Variants in ARTN observed in about 807,000 individuals in gnomAD.
ARTN encodes neublastin.
Under a neutral mutation model 15.4 loss-of-function variants are expected in ARTN, and 9 were observed. The ratio of observed to expected loss-of-function variants is 0.58; its 90% CI spans 0.35 to 1.02. The LOEUF (loss-of-function observed/expected upper bound fraction) is 1.02, where lower values mean the gene tolerates loss of function less well. Ranked by LOEUF, ARTN falls within the 50% of genes least tolerant of loss-of-function variation. ARTN has a pLI of 0.02. For missense variants in ARTN, 284 were observed against 327.9 expected, an observed-to-expected ratio of 0.87 and a Z score of 1.03; for synonymous variants, 163 against 155.8, an observed-to-expected ratio of 1.05 and a Z score of -0.35.
rs770059461 is a variant in ARTN at position 43,936,674 on chromosome 1, C to A, written c.572C>A (p.Thr191Lys). ...RPVSQPCCRP[T>K]RYEAVSFMDV... is the part of the protein sequence containing the mutation. ...GTCAGCCAGCCCTGCTGCCGACCCA[C>A]GCGCTACGAAGCGGTCTCCTTCATG... The change falls in exon 5 of 5, where the codon ACG (threonine) becomes AAG (lysine). Residue 191 changes from threonine (T) to lysine (K), a missense_variant. By Grantham distance (78) the Thr-to-Lys change is moderately conservative (BLOSUM62 -1). Transcript: ENST00000372359. The surrounding 1 kb of genome is among the most constrained non-coding windows in gnomAD (Gnocchi z 6.6). 3 of 1,597,938 alleles carry A rather than the reference C, an allele frequency of 1.9e-6. No homozygotes were observed. Among genetic ancestry groups the A allele is most frequent in the Admixed American group, 1.7e-5 (1 of 58,740 alleles).
At chr1:43,935,880 G>A in intron 3 of ARTN, 164 bp downstream of exon 3, 1 of 881,048 alleles carries the variant, frequency 1.1e-6, no homozygotes. Flanking sequence ...TGAATGGTCG[G>A]TGCACTCAGG....
chr1:43,936,086 C>T lies in ARTN; in HGVS notation c.61-7C>T, dbSNP rs779198097. Reference sequence around the variant, plus strand: ...TCCCTGAGGCTCCACTTGGTCTCTCCGCGCAGCCTGCCCTGTGGCCCACCC... The same window carrying T: ...TCCCTGAGGCTCCACTTGGTCTCTCTGCGCAGCCTGCCCTGTGGCCCACCC... On this transcript the variant is annotated splice_region_variant and splice_polypyrimidine_tract_variant and intron_variant, in intron 3 of 4. Coordinates refer to ENST00000372359, the MANE Select transcript of ARTN (RefSeq NM_057091.3). The surrounding 1 kb of genome is among the most constrained non-coding windows in gnomAD (Gnocchi z 6.6). The T allele has an allele frequency of 1.9e-5, 30 of 1,612,450 alleles. No individual in the cohort carries two copies. The highest frequency in any genetic ancestry group is 2.5e-5 in the Non-Finnish European group (29 of 1,179,936).
chr1:43,936,730 C>G lies in ARTN; in HGVS notation c.628C>G (p.Arg210Gly). 6.5e-7 allele frequency: 1 copy of G among 1,539,576 alleles called. No homozygotes were observed. Among genetic ancestry groups the G allele is most frequent in the Non-Finnish European group, 8.8e-7 (1 of 1,136,680 alleles). The change falls in exon 5 of 5, where the codon CGC (arginine) becomes GGC (glycine). Residue 210 changes from arginine to glycine, a missense_variant. By Grantham distance (125) the Arg-to-Gly change is moderately radical (BLOSUM62 -2). Transcript: ENST00000372359. This position sits in a 1 kb window ranked among gnomAD's most constrained non-coding sequence, Gnocchi z 6.6. ...CAACAGCACCTGGAGAACCGTGGAC[C>G]GCCTCTCCGCCACCGCCTGCGGCTG... ...DVNSTWRTVD[R>G]LSATACGCLG
Position 43,937,097 on chromosome 1 carries a change from C to T in ARTN, c.*332C>T, listed in dbSNP as rs74464659. On this transcript the variant is annotated 3_prime_UTR_variant, in exon 5 of 5. Transcript: ENST00000372359. ...CTGATGAACACTACAGTGGCTGAGG[C>T]ATCAGCCCCCGCCCAGGCCCTGTAG... The T allele has an allele frequency of 4.4e-3, 1,086 of 248,734 alleles. No homozygotes were observed. The highest frequency in any genetic ancestry group is 9.3e-3 in the Middle Eastern group (8 of 864). 15.4% of individuals were successfully genotyped at this position (248,734 alleles called of 1,614,324 possible).
chr1:43,936,604 C>A lies in ARTN; in HGVS notation c.502C>A (p.Leu168Ile). Reference sequence around the variant, plus strand: ...TCCACACGACCTCAGCCTGGCCAGCCTACTGGGCGCCGGGGCCCTGCGACC... The same window carrying A: ...TCCACACGACCTCAGCCTGGCCAGCATACTGGGCGCCGGGGCCCTGCGACC... ...RSPHDLSLAS[L>I]LGAGALRPPP... The change falls in exon 5 of 5, where the codon CTA (leucine) becomes ATA (isoleucine). Residue 168 changes from leucine to isoleucine, a missense_variant. Leu to Ile is a conservative substitution (Grantham distance 5). Coordinates refer to ENST00000372359, the MANE Select transcript of ARTN (RefSeq NM_057091.3). This position sits in a 1 kb window ranked among gnomAD's most constrained non-coding sequence, Gnocchi z 6.6. 1 of 1,591,160 alleles carries A rather than the reference C, an allele frequency of 6.3e-7. No individual in the cohort carries two copies. The highest frequency in any genetic ancestry group is 8.5e-7 in the Non-Finnish European group (1 of 1,169,914).
chr1:43,935,372 T>C, intron 2 of ARTN: 1 of 444,886 alleles, frequency 2.2e-6, no homozygotes, highest in Non-Finnish European at 4.0e-6. Flanking sequence ...TGAGCTTCTC[T>C]GAGCCTTGTT....
chr1:43,935,020 A>G lies in ARTN; in HGVS notation c.-67-570A>G, dbSNP rs575022205. ...GCTCTGTGGTCATCGAGGGACACCT[A>G]TAGTCAGAGGAGAGAACTCAGGTGG... On this transcript the variant is annotated intron_variant, in intron 2 of 4. Transcript: ENST00000372359. Among the ~76,000 whole-genome samples the G allele has an allele frequency of 2.6e-5, 4 of 152,298 alleles. No homozygotes were observed. The South Asian group carries it at 8.3e-4, about 32-fold the overall frequency.
chr1:43,934,507 C>T (rs1212559582), intron 2 of ARTN: 2 of 152,352 alleles, frequency 1.3e-5, no homozygotes, highest in Non-Finnish European at 2.9e-5. Context: ...GGAGGACAAC[C>T]CCGGGAAGGC....
rs1429018909 is a variant in ARTN, at chr1:43,936,543, C to T, written c.441C>T (p.Phe147=). ...LGHRSDELVR[F]RFCSGSCRRA... ...ACCGCTCCGACGAGCTGGTGCGTTT[C>T]CGCTTCTGCAGCGGCTCCTGCCGCC... Residue 147 remains phenylalanine (F), a synonymous_variant, in exon 5 of 5, where the codon TTC becomes TTT. Transcript: ENST00000372359. The surrounding 1 kb of genome is among the most constrained non-coding windows in gnomAD (Gnocchi z 6.6). The T allele has an allele frequency of 1.3e-6, 2 of 1,520,578 alleles. No homozygotes were observed. The highest frequency in any genetic ancestry group is 1.8e-6 in the Non-Finnish European group (2 of 1,139,624). The allele number at this position is 1,520,578 out of a possible 1,614,324, so 94.2% of individuals were successfully genotyped here.
In ARTN at chr1:43,936,098, C is replaced by G; in HGVS notation, c.66C>G (p.Ala22=). The change falls in exon 4 of 5, where the codon GCC becomes GCG. Residue 22 remains alanine (A), a synonymous_variant. Transcript: ENST00000372359. The surrounding 1 kb of genome is among the most constrained non-coding windows in gnomAD (Gnocchi z 6.6). ...SHCPWPRQQP[A]LWPTLAALAL... is the part of the protein sequence containing the mutation. ...CACTTGGTCTCTCCGCGCAGCCTGC[C>G]CTGTGGCCCACCCTGGCCGCTCTGG... 1 of 1,611,710 alleles carries G rather than the reference C, an allele frequency of 6.2e-7. No homozygotes were observed. The highest frequency in any genetic ancestry group is 8.5e-7 in the Non-Finnish European group (1 of 1,179,936).
At chr1:43,935,093 T>C (rs528094128) in intron 2 of ARTN, among the ~76,000 whole-genome samples, 3 of 152,310 alleles carry the variant, frequency 2.0e-5, no homozygotes. Flanking sequence ...GAAGCAGCTC[T>C]GGGTGGGCAG....
chr1:43,934,969 G>A (rs1414166314), intron 2 of ARTN, among the ~76,000 whole-genome samples: 2 of 152,158 alleles, frequency 1.3e-5, no homozygotes, highest in Non-Finnish European at 1.5e-5. Flanking sequence ...GTTTTCAGAG[G>A]GCCCATTAGC....
rs1319970452 is a variant in ARTN at position 43,936,155 on chromosome 1, G to T, written c.123G>T (p.Leu41=). 3 of 1,583,062 alleles carry T rather than the reference G, an allele frequency of 1.9e-6. No individual in the cohort carries two copies. The highest frequency in any genetic ancestry group is 2.6e-6 in the Non-Finnish European group (3 of 1,170,986). Residue 41 remains leucine (L), a synonymous_variant, in exon 4 of 5, where the codon CTG becomes CTT. Coordinates refer to ENST00000372359, the MANE Select transcript of ARTN (RefSeq NM_057091.3). The surrounding 1 kb of genome is among the most constrained non-coding windows in gnomAD (Gnocchi z 6.6). The stretch of plus-strand genomic sequence containing the variant: ...TGAGCAGCGTCGCAGAGGCCTCCCT[G>T]GGCTCCGCGCCCCGCAGCCCTGCCC... ...ALLSSVAEAS[L]GSAPRSPAPR... is the part of the protein sequence containing the mutation.
intron 2 of ARTN, among the ~76,000 whole-genome samples, chr1:43,935,011 G>A (rs2085076572): frequency 6.6e-6 from 1 of 152,196 alleles, no homozygotes; most frequent in Non-Finnish European, 1.5e-5. Flanking sequence ...TGGTCATCGA[G>A]GGACACCTAT....
intron 2 of ARTN, 184 bp from the exon 3 acceptor site, chr1:43,935,406 A>T (rs2085079570): frequency 1.9e-6 from 1 of 520,568 alleles, no homozygotes; most frequent in Non-Finnish European, 3.4e-6. Context: ...AAAGGGGATT[A>T]AACCATTTAC....
In ARTN at chr1:43,935,689, G is replaced by A. The variant is rs755392867; in HGVS notation, c.33G>A (p.Leu11=). MELGLGGLST[L]SHCPWPRQQP... is the part of the protein sequence containing the mutation. ...TTGGACTTGGAGGCCTCTCCACGCT[G>A]TCCCACTGCCCCTGGCCTAGGCAGC... Residue 11 remains leucine (L), a synonymous_variant, in exon 3 of 5, where the codon CTG becomes CTA. Transcript: ENST00000372359. The A allele has an allele frequency of 5.0e-6, 8 of 1,613,458 alleles. No individual in the cohort carries two copies. Among genetic ancestry groups the A allele is most frequent in the Non-Finnish European group, 5.9e-6 (7 of 1,179,712 alleles).
chr1:43,935,766 T>C, intron 3 of ARTN, 50 bp downstream of exon 3: 1 of 1,554,846 alleles, frequency 6.4e-7, no homozygotes, highest in South Asian at 1.2e-5. Flanking sequence ...AAAGGCGGCT[T>C]GACTGGTGAG....
At position 43,936,796 on chromosome 1, in the gene ARTN, C is replaced by A; in HGVS notation, c.*31C>A. On this transcript the variant is annotated 3_prime_UTR_variant, in exon 5 of 5. Coordinates refer to ENST00000372359, the MANE Select transcript of ARTN (RefSeq NM_057091.3). The surrounding 1 kb of genome is among the most constrained non-coding windows in gnomAD (Gnocchi z 6.6). ...CGCTCCAGGGCTTTGCAGACTGGAC[C>A]CTTACCGGTGGCTCTTCCTGCCTGG... 7.1e-7 allele frequency: 1 copy of A among 1,404,900 alleles called. No homozygotes were observed. Among genetic ancestry groups the A allele is most frequent in the Non-Finnish European group, 9.3e-7 (1 of 1,072,100 alleles). The allele number at this position is 1,404,900 out of a possible 1,614,324, so 87.0% of individuals were successfully genotyped here.
In ARTN at chr1:43,936,096, G is replaced by GCCCTGTGGCCCA. The variant is rs767258359; in HGVS notation, c.70_81dup (p.Trp24_Leu27dup). 6.2e-7 allele frequency: 1 copy of GCCCTGTGGCCCA among 1,611,622 alleles called. No homozygotes were observed. The highest frequency in any genetic ancestry group is 8.5e-7 in the Non-Finnish European group (1 of 1,179,916). On this transcript the variant is annotated inframe_insertion, in exon 4 of 5. Coordinates refer to ENST00000372359, the MANE Select transcript of ARTN (RefSeq NM_057091.3). The surrounding 1 kb of genome is among the most constrained non-coding windows in gnomAD (Gnocchi z 6.6). ...TCCACTTGGTCTCTCCGCGCAGCCT[G>GCCCTGTGGCCCA]CCCTGTGGCCCACCCTGGCCGCTCT...
Sources: gnomAD v4.1 joint callset for allele counts (sites outside exome capture counted in the v4.1 genomes callset) on GRCh38, gnomAD v4.1.1 for gene constraint, Gnocchi (gnomAD v3.1) non-coding constraint, MANE v1.5 for transcripts, NCBI Gene and HGNC (gene_info 2026-07-23, HGNC 2026-07-21) for gene names.